Variants in KCNH7 observed in about 807,000 individuals in gnomAD.
KCNH7 encodes voltage-gated inwardly rectifying potassium channel KCNH7.
A neutral mutation model predicts 120.8 loss-of-function variants in KCNH7; 49 were observed. The observed-to-expected ratio is 0.41, with a 90% CI of 0.32 to 0.51. The LOEUF (loss-of-function observed/expected upper bound fraction) is 0.51. KCNH7 is among the 20% of genes least tolerant of loss of function. The pLI is 0.38. For missense variants in KCNH7, 1,097 were observed against 1,446.6 expected (o/e 0.76, Z 3.92); for synonymous variants, 547 against 516.1 (o/e 1.06, Z -0.81).
chr2:162,392,003 G>C (rs1418341225), intron 12 of KCNH7, among the ~76,000 whole-genome samples: 1 of 151,908 alleles, frequency 6.6e-6, no homozygotes, highest in Non-Finnish European at 1.5e-5. Context: ...GTCAGCCAGA[G>C]GAATCAATAA....
chr2:162,694,269 G>GA (rs908079601), intron 2 of KCNH7, among the ~76,000 whole-genome samples: 1 of 151,916 alleles, frequency 6.6e-6, no homozygotes, highest in Non-Finnish European at 1.5e-5. Flanking sequence ...ACAACTACTA[G>GA]AAAAAAAGGC....
At chr2:162,543,282 A>ATG (rs1692373664) in intron 2 of KCNH7, among the ~76,000 whole-genome samples, 1 of 142,558 alleles carries the variant, frequency 7.0e-6, no homozygotes, top group South Asian at 2.2e-4. Context: ...ACACACACAT[A>ATG]CGCACACACA....
chr2:162,476,148 C>A (rs116641136), intron 6 of KCNH7, among the ~76,000 whole-genome samples: 2 of 152,120 alleles, frequency 1.3e-5, no homozygotes, highest in Non-Finnish European at 2.9e-5. Context: ...AGGAGTCTGG[C>A]GCCCATTAAT....
intron 2 of KCNH7, among the ~76,000 whole-genome samples, chr2:162,724,947 G>A (rs1169641855): frequency 2.0e-5 from 3 of 152,170 alleles, no homozygotes; most frequent in Non-Finnish European, 4.4e-5. Context: ...ATGACTCACT[G>A]AAGTGTGTTT....
intron 14 of KCNH7, among the ~76,000 whole-genome samples, chr2:162,378,744 G>T (rs566088316): frequency 6.6e-6 from 1 of 152,144 alleles, no homozygotes; most frequent in Admixed American, 6.6e-5. Context: ...CAGTATCATC[G>T]CATCTTGGCT....
intron 2 of KCNH7, among the ~76,000 whole-genome samples, chr2:162,818,281 G>A (rs1189162164): frequency 6.6e-6 from 1 of 151,702 alleles, no homozygotes; most frequent in Non-Finnish European, 1.5e-5. Context: ...ATTAATTTTT[G>A]TACACAGTAT....
chr2:162,384,387 G>A (rs187099379), intron 13 of KCNH7, among the ~76,000 whole-genome samples: 25 of 151,844 alleles, frequency 1.6e-4, no homozygotes, highest in Admixed American at 1.2e-3. Flanking sequence ...ATATTCATGG[G>A]TCCTCTCTCC....
chr2:162,613,539 CT>C (rs1176433245), intron 2 of KCNH7, among the ~76,000 whole-genome samples: 2 of 151,984 alleles, frequency 1.3e-5, no homozygotes, highest in African/African-American at 4.8e-5. Context: ...AAAATTTACA[CT>C]TTAATTGTCA....
intron 2 of KCNH7, among the ~76,000 whole-genome samples, chr2:162,817,460 C>A (rs111601748): frequency 6.0e-4 from 91 of 152,054 alleles, no homozygotes; most frequent in Non-Finnish European, 1.1e-3. Context: ...TATCTATTAA[C>A]CTGCTGATGA....
intron 2 of KCNH7, among the ~76,000 whole-genome samples, chr2:162,603,579 C>G (rs181265088): frequency 6.6e-6 from 1 of 152,080 alleles, no homozygotes; most frequent in African/African-American, 2.4e-5. Context: ...TGGTGGCACA[C>G]ACCTCTTATC....
intron 2 of KCNH7, among the ~76,000 whole-genome samples, chr2:162,693,563 A>G (rs1458497757): frequency 6.6e-6 from 1 of 152,214 alleles, no homozygotes; most frequent in Non-Finnish European, 1.5e-5. Flanking sequence ...TCAATGTGCA[A>G]TGAGTTAGGA....
At chr2:162,808,226 T>C (rs1251426456) in intron 2 of KCNH7, among the ~76,000 whole-genome samples, 1 of 152,224 alleles carries the variant, frequency 6.6e-6, no homozygotes, top group East Asian at 1.9e-4. Context: ...TTTCAATTTG[T>C]ATTAATTTTT....
At chr2:162,704,138 A>AGAAATAT in intron 2 of KCNH7, among the ~76,000 whole-genome samples, 1 of 152,248 alleles carries the variant, frequency 6.6e-6, no homozygotes, top group South Asian at 2.1e-4. Context: ...TTCCCAGAGT[A>AGAAATAT]GAAATATGTT....
At chr2:162,679,997 GA>G (rs1213411924) in intron 2 of KCNH7, among the ~76,000 whole-genome samples, 2 of 151,732 alleles carry the variant, frequency 1.3e-5, no homozygotes, top group African/African-American at 4.8e-5. Flanking sequence ...AATCAATAAA[GA>G]ATATGGCATC....
chr2:162,491,126 C>G (rs1041455825), intron 6 of KCNH7, among the ~76,000 whole-genome samples: 7 of 152,212 alleles, frequency 4.6e-5, no homozygotes, highest in African/African-American at 1.7e-4. Context: ...GCATTTCCCA[C>G]TCTCCGACCC....
At chr2:162,542,395 C>A (rs1480812914) in intron 2 of KCNH7, among the ~76,000 whole-genome samples, 1 of 99,310 alleles carries the variant, frequency 1.0e-5, no homozygotes, top group Admixed American at 1.2e-4. Context: ...TGCTATCCCT[C>A]CCCCCTCCCC....
chr2:162,779,133 G>A (rs1048482366), intron 2 of KCNH7, among the ~76,000 whole-genome samples: 1 of 152,010 alleles, frequency 6.6e-6, no homozygotes, highest in Non-Finnish European at 1.5e-5. Flanking sequence ...AAAGTTGTAG[G>A]AGAGCTTTCA....
chr2:162,619,921 A>G (rs1158001974), intron 2 of KCNH7, among the ~76,000 whole-genome samples: 1 of 151,900 alleles, frequency 6.6e-6, no homozygotes, highest in East Asian at 1.9e-4. Flanking sequence ...ATACTTATTG[A>G]CCTTTAAGCT....
At chr2:162,685,344 T>TA (rs200035065) in intron 2 of KCNH7, among the ~76,000 whole-genome samples, 1,754 of 151,038 alleles carry the variant, frequency 0.012, 37 homozygotes, top group East Asian at 0.11. Context: ...TAAAGTATAA[T>TA]AAAAAAAAAG....
Sources: allele counts gnomAD v4.1 joint callset (sites outside exome capture counted in the v4.1 genomes callset), GRCh38; gene constraint gnomAD v4.1.1; transcripts MANE v1.5; gene names NCBI Gene and HGNC (gene_info 2026-07-23, HGNC 2026-07-21).